The following MSN variants were observed in gnomAD, a reference collection of about 807,000 sequenced individuals.
The protein encoded by MSN is moesin.
A neutral mutation model predicts 48.0 loss-of-function variants in MSN; 2 were observed. The ratio of observed to expected loss-of-function variants is 0.04; its 90% CI spans 0.02 to 0.13. The LOEUF is 0.13. Ranked by LOEUF, MSN falls within the 10% of genes least tolerant of loss-of-function variation. The pLI is 1.00. For synonymous variants in MSN, 146 were observed against 166.9 expected (o/e 0.87, Z 0.97); for missense variants, 267 against 470.1 (o/e 0.57, Z 3.99).
intron 1 of MSN, among the ~76,000 whole-genome samples, chrX:65,627,999 C>G (rs2070521927): frequency 8.9e-6 from 1 of 112,734 alleles, no homozygotes; most frequent in South Asian, 3.6e-4. Flanking sequence ...GTTCTCACAT[C>G]CAGTTCACAA....
intron 1 of MSN, among the ~76,000 whole-genome samples, chrX:65,619,621 C>G (rs1316131776): frequency 9.8e-6 from 1 of 101,868 alleles, no homozygotes; most frequent in Non-Finnish European, 1.9e-5. Flanking sequence ...AAATTTTTTT[C>G]AAAGTTTTCA....
chrX:65,656,786 G>A (rs1184677297), intron 1 of MSN, among the ~76,000 whole-genome samples: 1 of 110,772 alleles, frequency 9.0e-6, no homozygotes, highest in Non-Finnish European at 1.9e-5. Context: ...GGCCCGGGAA[G>A]CCCAGAGACA....
upstream of MSN, among the ~76,000 whole-genome samples, chrX:65,663,024 G>A (rs1344324627): frequency 1.8e-5 from 2 of 112,133 alleles, no homozygotes; most frequent in African/African-American, 3.2e-5. Flanking sequence ...TTGGGAGGCT[G>A]AGGCAGGTGG....
At chrX:65,620,937 T>C (rs1406128306) in intron 1 of MSN, among the ~76,000 whole-genome samples, 2 of 109,004 alleles carry the variant, frequency 1.8e-5, no homozygotes, top group Non-Finnish European at 3.8e-5. Context: ...CTGTTGTTGT[T>C]GTTTTTGAGG....
At chrX:65,618,153 C>T (rs1011102978) in intron 1 of MSN, among the ~76,000 whole-genome samples, 2 of 111,619 alleles carry the variant, frequency 1.8e-5, no homozygotes, top group African/African-American at 6.5e-5. Context: ...GGAATAAGTG[C>T]CATGTGATGC....
chrX:65,670,897 TATATA>T (rs2070928170), intron 1 of MSN, among the ~76,000 whole-genome samples: 1 of 329 alleles, frequency 3.0e-3, no homozygotes, highest in South Asian at 0.053. Context: ...TGATGACAGT[TATATA>T]TATATATATA....
intron 1 of MSN, chrX:65,600,871 T>A (rs2070229762): frequency 9.0e-6 from 1 of 111,133 alleles, no homozygotes; most frequent in African/African-American, 3.3e-5. Context: ...ATTTAGACCA[T>A]TTTTTTTCAT....
At chrX:65,730,992 T>C (rs2071616550) in intron 4 of MSN, 115 bp from the exon 5 acceptor site, 10 of 531,687 alleles carry the variant, frequency 1.9e-5, no homozygotes, top group South Asian at 7.7e-5. Context: ...GTGACCTCAA[T>C]TGGCTGACTC....
chrX:65,618,564 A>C (rs1174343603), intron 1 of MSN, among the ~76,000 whole-genome samples: 2 of 111,072 alleles, frequency 1.8e-5, no homozygotes, highest in Non-Finnish European at 1.9e-5. Flanking sequence ...GGCTTGGTAG[A>C]TCTTCCTCCA....
intron 1 of MSN, among the ~76,000 whole-genome samples, chrX:65,671,433 T>A (rs1156311274): frequency 9.0e-6 from 1 of 111,647 alleles, no homozygotes; most frequent in African/African-American, 3.3e-5. Flanking sequence ...CAGCTAAACT[T>A]TAACAGGGAC....
At chrX:65,658,344 C>T (rs1245931468) in intron 1 of MSN, among the ~76,000 whole-genome samples, 3 of 111,367 alleles carry the variant, frequency 2.7e-5, no homozygotes, top group Non-Finnish European at 5.7e-5. Flanking sequence ...AGTGTGGGGC[C>T]CCAAGCTGAT....
At chrX:65,592,812 G>C (rs889575620) in intron 1 of MSN, among the ~76,000 whole-genome samples, 1 of 110,726 alleles carries the variant, frequency 9.0e-6, no homozygotes, top group Non-Finnish European at 1.9e-5. Context: ...AGGCCAAGGT[G>C]GGCGGATCAC....
chrX:65,725,039 A>G (rs1316927944), intron 2 of MSN, among the ~76,000 whole-genome samples: 2 of 112,136 alleles, frequency 1.8e-5, no homozygotes, highest in African/African-American at 6.5e-5. Context: ...TATACAGAAA[A>G]GAGGCTTATT....
chrX:65,674,328 T>G (rs1373700263), intron 1 of MSN, among the ~76,000 whole-genome samples: 1 of 111,682 alleles, frequency 9.0e-6, no homozygotes, highest in Non-Finnish European at 1.9e-5. Flanking sequence ...AAAGGAGAAC[T>G]TGGATTTCCT....
chrX:65,717,714 C>T (rs1317987903), intron 2 of MSN, among the ~76,000 whole-genome samples: 3 of 111,799 alleles, frequency 2.7e-5, no homozygotes, highest in African/African-American at 9.8e-5. Context: ...CCTCACCAGA[C>T]AGGCCATTAT....
chrX:65,611,163 T>A (rs916426061), intron 1 of MSN, among the ~76,000 whole-genome samples: 1 of 85,752 alleles, frequency 1.2e-5, no homozygotes, highest in South Asian at 4.0e-4. Flanking sequence ...CTTTCTTTCT[T>A]TCTATTTTTT....
chrX:65,697,525 C>T (rs2071257502), intron 1 of MSN, among the ~76,000 whole-genome samples: 1 of 111,491 alleles, frequency 9.0e-6, no homozygotes. Flanking sequence ...GCCCCTTCCT[C>T]TTTGAGTTTG....
At chrX:65,684,755 T>C (rs2071095607) in intron 1 of MSN, among the ~76,000 whole-genome samples, 1 of 112,121 alleles carries the variant, frequency 8.9e-6, no homozygotes, top group Admixed American at 9.4e-5. Context: ...CTTTTTTATA[T>C]AGAGACAGCG....
intron 1 of MSN, among the ~76,000 whole-genome samples, chrX:65,618,323 T>C (rs976423557): frequency 9.0e-6 from 1 of 111,240 alleles, no homozygotes; most frequent in Non-Finnish European, 1.9e-5. Context: ...AGTCTCCCAT[T>C]ATTAATGTGT....
Sources: gnomAD v4.1 joint callset for allele counts (sites outside exome capture counted in the v4.1 genomes callset) on GRCh38, gnomAD v4.1.1 for gene constraint, MANE v1.5 for transcripts, NCBI Gene and HGNC (gene_info 2026-07-23, HGNC 2026-07-21) for gene names.